Variants in SLC16A9 observed in about 807,000 individuals in gnomAD.
The protein encoded by SLC16A9 is monocarboxylate transporter 9.
A neutral mutation model predicts 44.3 loss-of-function variants in SLC16A9; 26 were observed. That is an observed-to-expected ratio of 0.59 (90% CI 0.43 to 0.81). SLC16A9 has a LOEUF of 0.81. Ranked by LOEUF, SLC16A9 falls within the 40% of genes least tolerant of loss-of-function variation. The pLI, the probability that SLC16A9 is intolerant of heterozygous loss-of-function variation, is 0.00. For synonymous variants in SLC16A9, 230 were observed against 225.1 expected (o/e 1.02, Z -0.19); for missense variants, 559 against 595.8 (o/e 0.94, Z 0.64).
At position 59,653,717 on chromosome 10, in the gene SLC16A9, A is replaced by G. The variant is rs1839271609; in HGVS notation, c.1309T>C (p.Phe437Leu). Residue 437 changes from phenylalanine (F) to leucine (L), a missense_variant, in exon 5 of 6, where the codon TTC (phenylalanine) becomes CTC (leucine). Physicochemically the swap from Phe to Leu is conservative, Grantham distance 22. Coordinates refer to ENST00000395348, the MANE Select transcript of SLC16A9 (RefSeq NM_194298.3). ...AGGCTATTTCCAAGTCCAGCAAAGA[A>G]CATTAATATCCCATAGGCATGGGCT... ...KLAHAYGILM[F>L]FAGLGNSLGP... 3.7e-6 allele frequency: 6 copies of G among 1,614,066 alleles called. No individual in the cohort carries two copies. The highest frequency in any genetic ancestry group is 4.5e-5 in the East Asian group (2 of 44,872).
rs973026750 is a variant in SLC16A9 at position 59,690,031 on chromosome 10, T to C, written c.-36-5704A>G. 2.0e-5 allele frequency among the ~76,000 whole-genome samples: 3 copies of C among 152,104 alleles called. No individual in the cohort carries two copies. In the South Asian group the frequency reaches 6.2e-4, roughly 32 times the overall value. ...GAAATGCAGCAAGATAAAAGTGGTCTTAAAAATTAGCTGGGTGTGGTGGCA... is the reference window on the plus strand; with the variant it reads ...GAAATGCAGCAAGATAAAAGTGGTCCTAAAAATTAGCTGGGTGTGGTGGCA... On this transcript the variant is annotated intron_variant, in intron 1 of 5. Coordinates refer to ENST00000395348, the MANE Select transcript of SLC16A9 (RefSeq NM_194298.3).
Position 59,681,387 on chromosome 10 carries a change from A to G in SLC16A9, c.196+2709T>C, listed in dbSNP as rs949847689. On this transcript the variant is annotated intron_variant, in intron 2 of 5. Coordinates refer to ENST00000395348, the MANE Select transcript of SLC16A9 (RefSeq NM_194298.3). ...GAGCCAGCTATGCTGAAACTTGTACACAATATCTAAAGTATATATATATGT... is the reference window on the plus strand; with the variant it reads ...GAGCCAGCTATGCTGAAACTTGTACGCAATATCTAAAGTATATATATATGT... 2.8e-5 allele frequency among the ~76,000 whole-genome samples: 4 copies of G among 143,094 alleles called. No homozygotes were observed. In the Admixed American group the frequency reaches 2.9e-4, roughly 10 times the overall value. The allele number at this position is 143,094 out of a possible 152,430, so 93.9% of individuals were successfully genotyped here.
Position 59,653,672 on chromosome 10 carries a change from T to C in SLC16A9, c.1351+3A>G, listed in dbSNP as rs773344416. ...TGGGATGATTTTAAGATAAATATCT[T>C]ACCAACGATGGGTGGTCCTAGGCTA... is the stretch of plus-strand genomic sequence containing the variant. On this transcript the variant is annotated splice_donor_region_variant and intron_variant, in intron 5 of 5. Transcript: ENST00000395348. 8 of 1,604,454 alleles carry C rather than the reference T, an allele frequency of 5.0e-6. No individual in the cohort carries two copies. In the South Asian group the frequency reaches 7.8e-5, roughly 16 times the overall value.
At position 59,652,692 on chromosome 10, in the gene SLC16A9, A is replaced by G. The variant is rs894496781; in HGVS notation, c.*80T>C. ...GCTATGAGAAAATAGTCTTGACTCT[A>G]GAAAATTTGCTTGAGAATCTGTTAA... is the stretch of plus-strand genomic sequence containing the variant. On this transcript the variant is annotated 3_prime_UTR_variant, in exon 6 of 6. Transcript: ENST00000395348. 3.8e-6 allele frequency: 5 copies of G among 1,327,278 alleles called. No homozygotes were observed. The African/African-American group carries it at 7.5e-5, about 20-fold the overall frequency. The allele number at this position is 1,327,278 out of a possible 1,614,324, so 82.2% of individuals were successfully genotyped here.
At chr10:59,697,419 A>G (rs1718312896) in intron 1 of SLC16A9, among the ~76,000 whole-genome samples, 1 of 151,360 alleles carries the variant, frequency 6.6e-6, no homozygotes. Flanking sequence ...GATCCTGTTG[A>G]TCTGTGACCT....
At chr10:59,664,045 A>AAAAG (rs1554868151) in intron 4 of SLC16A9, among the ~76,000 whole-genome samples, 182 bp downstream of exon 4, 10 of 150,934 alleles carry the variant, frequency 6.6e-5, no homozygotes, top group African/African-American at 2.2e-4. Context: ...AAAAAAAAAA[A>AAAAG]AAAGAAAGCT....
chr10:59,700,325 G>T (rs1037179556), intron 1 of SLC16A9, among the ~76,000 whole-genome samples: 2 of 152,136 alleles, frequency 1.3e-5, no homozygotes, highest in African/African-American at 4.8e-5. Context: ...TGCTGACTTT[G>T]TCTCATAAGC....
intron 2 of SLC16A9, among the ~76,000 whole-genome samples, chr10:59,677,843 C>T (rs990616284): frequency 2.0e-5 from 3 of 151,680 alleles, no homozygotes; most frequent in African/African-American, 7.3e-5. Context: ...TCAACCTCCA[C>T]GCACTTTTTT....
chr10:59,662,747 A>G (rs1468362727), intron 4 of SLC16A9, among the ~76,000 whole-genome samples: 1 of 152,126 alleles, frequency 6.6e-6, no homozygotes, highest in Non-Finnish European at 1.5e-5. Flanking sequence ...TCAAAACCAC[A>G]ATGAGATACA....
intron 1 of SLC16A9, chr10:59,708,607 A>G (rs1840694893): frequency 6.6e-6 from 1 of 152,218 alleles, no homozygotes; most frequent in Non-Finnish European, 1.5e-5. Context: ...ATAACTTACT[A>G]TATAAGTAAT....
At chr10:59,675,339 T>A (rs1194226464) in intron 2 of SLC16A9, among the ~76,000 whole-genome samples, 3 of 152,184 alleles carry the variant, frequency 2.0e-5, no homozygotes, top group African/African-American at 7.2e-5. Flanking sequence ...AATTTTTTCC[T>A]AGAAATCAAA....
intron 4 of SLC16A9, among the ~76,000 whole-genome samples, chr10:59,655,272 G>C (rs1002449601): frequency 6.6e-6 from 1 of 152,134 alleles, no homozygotes; most frequent in African/African-American, 2.4e-5. Context: ...CCTGGTGACA[G>C]AGTGAGACTC....
At chr10:59,703,379 C>T (rs1369054183) in intron 1 of SLC16A9, among the ~76,000 whole-genome samples, 1 of 152,206 alleles carries the variant, frequency 6.6e-6, no homozygotes, top group Admixed American at 6.5e-5. Context: ...CATGGCCTCC[C>T]GTGGTATGAG....
chr10:59,674,356 C>A lies in SLC16A9; in HGVS notation c.197-1443G>T, dbSNP rs114598389. 4.8e-3 allele frequency among the ~76,000 whole-genome samples: 735 copies of A among 152,246 alleles called. 3 individuals carry two copies. The highest frequency in any genetic ancestry group is 0.017 in the African/African-American group (689 of 41,544). On this transcript the variant is annotated intron_variant, in intron 2 of 5. Transcript: ENST00000395348. ...AGACCAGTTTATGGCCCCTGAGATACACTGAGATCATAGCTCCTGGTGCTT... is the reference window on the plus strand; with the variant it reads ...AGACCAGTTTATGGCCCCTGAGATAAACTGAGATCATAGCTCCTGGTGCTT...
chr10:59,687,181 A>G (rs1290994757), intron 1 of SLC16A9, among the ~76,000 whole-genome samples: 1 of 152,238 alleles, frequency 6.6e-6, no homozygotes, highest in African/African-American at 2.4e-5. Flanking sequence ...CCAGGATTAC[A>G]GGCATGAGCC....
At chr10:59,710,005 GC>G (rs904400913), upstream of SLC16A9, 17 of 152,186 alleles carry the variant, frequency 1.1e-4, no homozygotes, top group African/African-American at 4.1e-4. Context: ...CGCGGCCCCG[GC>G]CCTACCAGGC....
chr10:59,663,289 A>G (rs1839524971), intron 4 of SLC16A9, among the ~76,000 whole-genome samples: 1 of 152,092 alleles, frequency 6.6e-6, no homozygotes, highest in Admixed American at 6.6e-5. Flanking sequence ...TGAACCCGGG[A>G]GGCAGAGGTT....
chr10:59,660,785 C>T (rs562408778), intron 4 of SLC16A9, among the ~76,000 whole-genome samples: 4 of 152,288 alleles, frequency 2.6e-5, no homozygotes, highest in Admixed American at 6.5e-5. Context: ...TCCAGCAGCA[C>T]GTTAAAAAGC....
chr10:59,691,218 T>G (rs1840245445), intron 1 of SLC16A9, among the ~76,000 whole-genome samples: 1 of 152,170 alleles, frequency 6.6e-6, no homozygotes, highest in Non-Finnish European at 1.5e-5. Flanking sequence ...AAAATGTGTT[T>G]CTAAGAAATA....
Sources: gnomAD v4.1 joint callset for allele counts (sites outside exome capture counted in the v4.1 genomes callset) on GRCh38, gnomAD v4.1.1 for gene constraint, MANE v1.5 for transcripts, NCBI Gene and HGNC (gene_info 2026-07-23, HGNC 2026-07-21) for gene names.